MED30: variants seen among roughly 807,000 people sequenced by gnomAD.
MED30 encodes mediator of RNA polymerase II transcription subunit 30.
MED30 carries 8 observed loss-of-function variants against 21.7 expected under a neutral mutation model. The observed-to-expected ratio is 0.37, with a 90% CI of 0.22 to 0.67. The LOEUF (loss-of-function observed/expected upper bound fraction) is 0.67, where lower values mean the gene tolerates loss of function less well. MED30 is among the 30% of genes least tolerant of loss of function. MED30 has a pLI of 0.58. For synonymous variants in MED30, 79 were observed against 86.7 expected, an observed-to-expected ratio of 0.91 and a Z score of 0.49; for missense variants, 203 against 228.2, an observed-to-expected ratio of 0.89 and a Z score of 0.71.
intron 1 of MED30, among the ~76,000 whole-genome samples, chr8:117,525,146 G>T (rs1057393533): frequency 2.0e-5 from 3 of 151,828 alleles, no homozygotes; most frequent in African/African-American, 4.9e-5. Flanking sequence ...CACAGAGATT[G>T]AACTAATTTA....
In MED30 at chr8:117,537,410, A is replaced by G. The variant is rs548404764; in HGVS notation, c.442-2473A>G. On this transcript the variant is annotated intron_variant, in intron 3 of 3. Coordinates refer to ENST00000297347, the MANE Select transcript of MED30 (RefSeq NM_080651.4). ...ATTTACACTTTAGCCTCTAATAAGC[A>G]TAAGTGTCAGCTTTGCTGTTGATCA... Among the ~76,000 whole-genome samples the G allele has an allele frequency of 5.3e-5, 8 of 152,334 alleles. No individual in the cohort carries two copies. In the South Asian group the frequency reaches 1.7e-3, roughly 32 times the overall value.
chr8:117,536,153 G>A (rs977026823), intron 3 of MED30, among the ~76,000 whole-genome samples: 4 of 151,976 alleles, frequency 2.6e-5, no homozygotes, highest in African/African-American at 7.3e-5. Context: ...ATGTGTTGTC[G>A]GCTATATACT....
chr8:117,538,598 ATC>A (rs1232649693), intron 3 of MED30, among the ~76,000 whole-genome samples: 1 of 152,180 alleles, frequency 6.6e-6, no homozygotes, highest in East Asian at 1.9e-4. Flanking sequence ...TAAGTATATT[ATC>A]TCCAAATGTA....
At chr8:117,537,269 A>T (rs1181953641) in intron 3 of MED30, among the ~76,000 whole-genome samples, 2 of 152,214 alleles carry the variant, frequency 1.3e-5, no homozygotes, top group Non-Finnish European at 2.9e-5. Context: ...TCGCCTGTTA[A>T]TGTACAAAAT....
At chr8:117,528,548 A>T in intron 1 of MED30, 103 bp from the exon 2 acceptor site, 1 of 917,320 alleles carries the variant, frequency 1.1e-6, no homozygotes, top group Non-Finnish European at 1.6e-6. Flanking sequence ...GCTTATGTCT[A>T]TGCATTGCCT....
At chr8:117,525,299 T>C (rs1818701698) in intron 1 of MED30, among the ~76,000 whole-genome samples, 1 of 151,896 alleles carries the variant, frequency 6.6e-6, no homozygotes, top group Non-Finnish European at 1.5e-5. Flanking sequence ...TATATTTTTT[T>C]CCTGCTAAAT....
In MED30 at chr8:117,520,715, G is replaced by A. The variant is rs202172158; in HGVS notation, c.-162G>A. The A allele has an allele frequency of 2.1e-6, 1 of 467,156 alleles. No homozygotes were observed. The allele number at this position is 467,156 out of a possible 1,614,324, so 28.9% of individuals were successfully genotyped here. ...CGGTGTCTATGACGTTTTCTGACGT[G>A]TTACGTCACAGTGGGCGGAAGTCGC... On this transcript the variant is annotated 5_prime_UTR_variant, in exon 1 of 4. Coordinates refer to ENST00000297347, the MANE Select transcript of MED30 (RefSeq NM_080651.4).
At chr8:117,526,708 A>G (rs1818724940) in intron 1 of MED30, among the ~76,000 whole-genome samples, 1 of 151,926 alleles carries the variant, frequency 6.6e-6, no homozygotes, top group African/African-American at 2.4e-5. Context: ...TTACTGCTCT[A>G]TCCTAGCTTC....
intron 1 of MED30, among the ~76,000 whole-genome samples, chr8:117,521,334 G>A (rs1818615332): frequency 6.6e-6 from 1 of 151,866 alleles, no homozygotes; most frequent in Admixed American, 6.6e-5. Context: ...GGCAGAGATG[G>A]GTCGCACTCC....
At chr8:117,527,806 T>C (rs536414208) in intron 1 of MED30, among the ~76,000 whole-genome samples, 3 of 151,966 alleles carry the variant, frequency 2.0e-5, no homozygotes, top group Non-Finnish European at 4.4e-5. Context: ...TAGTATTGAT[T>C]CAAGTATTAG....
intron 3 of MED30, among the ~76,000 whole-genome samples, chr8:117,535,373 C>T (rs183058348): frequency 3.3e-5 from 5 of 151,188 alleles, no homozygotes; most frequent in East Asian, 3.9e-4. Context: ...GGGTTACAGG[C>T]GTGCACCACC....
rs116537136 is a variant in MED30, at chr8:117,531,333, T to G, written c.441+506T>G. 6.0e-3 allele frequency among the ~76,000 whole-genome samples: 914 copies of G among 152,002 alleles called. 10 individuals carry two copies. Among genetic ancestry groups the G allele is most frequent in the African/African-American group, 0.02 (849 of 41,502 alleles). ...ATAGTTCTCGTGAAACAGAGAGAAA[T>G]AGGGAAAGGTGTCAGTTCATTCTGG... On this transcript the variant is annotated intron_variant, in intron 3 of 3. Transcript: ENST00000297347.
chr8:117,537,113 A>G (rs1228110188), intron 3 of MED30, among the ~76,000 whole-genome samples: 1 of 152,238 alleles, frequency 6.6e-6, no homozygotes, highest in Non-Finnish European at 1.5e-5. Flanking sequence ...AAAAGATAGT[A>G]GGTAGTATTT....
In MED30 at chr8:117,520,770, G is replaced by C. The variant is rs993308180; in HGVS notation, c.-107G>C. The C allele has an allele frequency of 6.1e-6, 7 of 1,140,868 alleles. No individual in the cohort carries two copies. The highest frequency in any genetic ancestry group is 5.7e-5 in the East Asian group (2 of 34,878). 70.7% of individuals were successfully genotyped at this position (1,140,868 alleles called of 1,614,324 possible). Reference sequence around the variant, plus strand: ...GCTGTTTTGAAATCGGGCCGCGGGGGGTCTCTCAAGCTGGTTCCAACGCTG... The same window carrying C: ...GCTGTTTTGAAATCGGGCCGCGGGGCGTCTCTCAAGCTGGTTCCAACGCTG... On this transcript the variant is annotated 5_prime_UTR_variant, in exon 1 of 4. Transcript: ENST00000297347.
At chr8:117,522,171 AT>A (rs1818633836) in intron 1 of MED30, among the ~76,000 whole-genome samples, 2 of 152,178 alleles carry the variant, frequency 1.3e-5, no homozygotes, top group Admixed American at 1.3e-4. Context: ...AAGAACAGAC[AT>A]TTTAAATTTT....
At position 117,520,950 on chromosome 8, in the gene MED30, C is replaced by T. The variant is rs755217146; in HGVS notation, c.74C>T (p.Ala25Val). The T allele has an allele frequency of 2.5e-6, 4 of 1,612,588 alleles. No homozygotes were observed. Among genetic ancestry groups the T allele is most frequent in the Non-Finnish European group, 2.5e-6 (3 of 1,179,362 alleles). Residue 25 changes from alanine to valine, a missense_variant, in exon 1 of 4, where the codon GCC becomes GTC. Physicochemically the swap from Ala to Val is moderately conservative, Grantham distance 64. Transcript: ENST00000297347. ...PFAGPQAQQA[A>V]REVNTASLCR... The stretch of plus-strand genomic sequence containing the variant: ...GCCGGGCCCCAGGCTCAGCAGGCCG[C>T]CCGGGAAGTCAACACGGCGTCGCTG...
At chr8:117,524,286 A>C (rs1818686720) in intron 1 of MED30, among the ~76,000 whole-genome samples, 1 of 152,096 alleles carries the variant, frequency 6.6e-6, no homozygotes, top group Non-Finnish European at 1.5e-5. Context: ...ATTTGTTAAT[A>C]CATTTTTAGT....
intron 2 of MED30, among the ~76,000 whole-genome samples, chr8:117,530,038 T>TA (rs1280575000): frequency 1.3e-5 from 2 of 152,046 alleles, no homozygotes; most frequent in African/African-American, 4.8e-5. Context: ...TACACGATGG[T>TA]AAAGGCTAGG....
intron 3 of MED30, among the ~76,000 whole-genome samples, chr8:117,535,290 G>A (rs1818856886): frequency 6.8e-6 from 1 of 147,748 alleles, no homozygotes; most frequent in Admixed American, 6.8e-5. Context: ...TGTCACCCAG[G>A]CTGGAGTGCA....
Sources: gnomAD v4.1 joint callset for allele counts (sites outside exome capture counted in the v4.1 genomes callset) on GRCh38, gnomAD v4.1.1 for gene constraint, MANE v1.5 for transcripts, NCBI Gene and HGNC (gene_info 2026-07-23, HGNC 2026-07-21) for gene names.